Variants in PLCB4 observed in about 807,000 individuals in gnomAD.
The protein encoded by PLCB4 is 1-phosphatidylinositol 4,5-bisphosphate phosphodiesterase beta-4.
Under a neutral mutation model 178.8 loss-of-function variants are expected in PLCB4, and 77 were observed. The ratio of observed to expected loss-of-function variants is 0.43; its 90% CI spans 0.36 to 0.52. The LOEUF (loss-of-function observed/expected upper bound fraction) is 0.52, where lower values mean the gene tolerates loss of function less well. Among genes scored for constraint, PLCB4 ranks in the 20% least tolerant of loss-of-function variants. The pLI, the probability that PLCB4 is intolerant of heterozygous loss-of-function variation, is 0.00. For synonymous variants in PLCB4, 496 were observed against 490.8 expected, an observed-to-expected ratio of 1.01 and a Z score of -0.14; for missense variants, 1,024 against 1,453.4, an observed-to-expected ratio of 0.70 and a Z score of 4.80.
intron 2 of PLCB4, among the ~76,000 whole-genome samples, chr20:9,202,695 C>T (rs1348492443): frequency 6.6e-6 from 1 of 152,144 alleles, no homozygotes; most frequent in Non-Finnish European, 1.5e-5. Context: ...CTGACAAAGG[C>T]TGGGATCTTG....
chr20:9,431,632 ATTTGTGTGTGTGTGTG>A (rs759724334), intron 28 of PLCB4, among the ~76,000 whole-genome samples: 1 of 141,810 alleles, frequency 7.1e-6, no homozygotes, highest in Non-Finnish European at 1.5e-5. Flanking sequence ...CACGGGGCCA[ATTTGTGTGTGTGTGTG>A]TTTGTGTGTG....
intron 25 of PLCB4, among the ~76,000 whole-genome samples, chr20:9,413,608 A>C (rs897303309): frequency 6.6e-6 from 1 of 151,224 alleles, no homozygotes; most frequent in Non-Finnish European, 1.5e-5. Flanking sequence ...ACAGTGAGCC[A>C]AGATCGTGCC....
intron 3 of PLCB4, among the ~76,000 whole-genome samples, chr20:9,306,171 C>A (rs1426954802): frequency 1.3e-5 from 2 of 152,162 alleles, no homozygotes; most frequent in Non-Finnish European, 2.9e-5. Flanking sequence ...GTGATGCAAT[C>A]TTTGTTCACT....
At chr20:9,323,248 C>T (rs2029862780) in intron 4 of PLCB4, among the ~76,000 whole-genome samples, 1 of 152,182 alleles carries the variant, frequency 6.6e-6, no homozygotes, top group Non-Finnish European at 1.5e-5. Context: ...CACTTCCTCA[C>T]TTCATTCTGT....
intron 28 of PLCB4, among the ~76,000 whole-genome samples, chr20:9,426,273 G>A (rs1046954247): frequency 6.6e-6 from 1 of 152,178 alleles, no homozygotes; most frequent in African/African-American, 2.4e-5. Context: ...GCTAAAATAT[G>A]TATCAGAGAG....
chr20:9,192,018 G>A (rs185043077), intron 2 of PLCB4, among the ~76,000 whole-genome samples: 2 of 151,974 alleles, frequency 1.3e-5, no homozygotes, highest in East Asian at 1.9e-4. Flanking sequence ...AGTGATTAAC[G>A]TGAATGGATT....
intron 2 of PLCB4, among the ~76,000 whole-genome samples, chr20:9,116,699 A>T (rs1040066994): frequency 6.6e-6 from 1 of 152,150 alleles, no homozygotes; most frequent in Non-Finnish European, 1.5e-5. Flanking sequence ...AATAAATTTT[A>T]AAAAACAGCT....
At chr20:9,298,875 C>T (rs2094671286) in intron 3 of PLCB4, among the ~76,000 whole-genome samples, 1 of 152,022 alleles carries the variant, frequency 6.6e-6, no homozygotes, top group South Asian at 2.1e-4. Flanking sequence ...TCTTTTAATA[C>T]ACTCCAGGAA....
intron 3 of PLCB4, among the ~76,000 whole-genome samples, chr20:9,269,956 G>T (rs6039430): frequency 0.063 from 9,522 of 152,194 alleles, 1,020 homozygotes; most frequent in African/African-American, 0.22. Flanking sequence ...AAACTCAGAT[G>T]CATAGGAGTC....
At chr20:9,152,778 C>T (rs1386450366) in intron 2 of PLCB4, among the ~76,000 whole-genome samples, 2 of 152,112 alleles carry the variant, frequency 1.3e-5, no homozygotes, top group Non-Finnish European at 2.9e-5. Flanking sequence ...AAATGGTAGA[C>T]CTACTGACAG....
intron 22 of PLCB4, among the ~76,000 whole-genome samples, chr20:9,408,304 T>G (rs772528688): frequency 7.2e-5 from 11 of 152,346 alleles, no homozygotes; most frequent in African/African-American, 1.4e-4. Context: ...GCATGTAGCT[T>G]CTTCTGTTCC....
At chr20:9,158,232 A>G (rs759399940) in intron 2 of PLCB4, among the ~76,000 whole-genome samples, 105 of 152,090 alleles carry the variant, frequency 6.9e-4, no homozygotes, top group Non-Finnish European at 1.3e-3. Context: ...GCTTTTTGCC[A>G]TAGTTGTATT....
chr20:9,390,686 A>T, intron 17 of PLCB4, 71 bp downstream of exon 17: 1 of 752,198 alleles, frequency 1.3e-6, no homozygotes, highest in African/African-American at 1.7e-5. Flanking sequence ...AGGGTCAAGT[A>T]GTACTAGAGG....
chr20:9,249,477 T>C (rs1177813621), intron 3 of PLCB4, among the ~76,000 whole-genome samples: 1 of 152,054 alleles, frequency 6.6e-6, no homozygotes, highest in Non-Finnish European at 1.5e-5. Flanking sequence ...CCAACTAATT[T>C]TTATTTTTTT....
In PLCB4 at chr20:9,205,711, C is replaced by A. The variant is rs143160039; in HGVS notation, c.-78-11679C>A. On this transcript the variant is annotated intron_variant, in intron 2 of 39. Transcript: ENST00000378473. ...AATCACCTTTGTAAATTCATTATGA[C>A]ACGACCACAGTCAGAAATGGAATTC... Among the ~76,000 whole-genome samples the A allele has an allele frequency of 1.3e-4, 20 of 152,270 alleles. No homozygotes were observed. The East Asian group carries it at 3.9e-3, about 29-fold the overall frequency.
intron 3 of PLCB4, among the ~76,000 whole-genome samples, chr20:9,223,067 G>T (rs1251256617): frequency 1.3e-5 from 2 of 152,146 alleles, no homozygotes; most frequent in Non-Finnish European, 2.9e-5. Flanking sequence ...AGAAGATAGT[G>T]GGCCTTGAAT....
chr20:9,408,227 A>G (rs1489986333), intron 22 of PLCB4, among the ~76,000 whole-genome samples, 169 bp downstream of exon 22: 1 of 152,174 alleles, frequency 6.6e-6, no homozygotes, highest in South Asian at 2.1e-4. Context: ...ATGTGGTGAC[A>G]TTACATTGTC....
At chr20:9,246,201 A>G (rs1484680997) in intron 3 of PLCB4, among the ~76,000 whole-genome samples, 1 of 152,156 alleles carries the variant, frequency 6.6e-6, no homozygotes, top group Non-Finnish European at 1.5e-5. Context: ...TGAACATTTT[A>G]TTGTTATTGA....
intron 2 of PLCB4, among the ~76,000 whole-genome samples, chr20:9,108,882 AGAGG>A (rs1402992140): frequency 1.4e-5 from 2 of 140,506 alleles, no homozygotes; most frequent in East Asian, 4.3e-4. Flanking sequence ...GATGAGAGAG[AGAGG>A]AAGAGAGAAA....
Sources: gnomAD v4.1 joint callset for allele counts (sites outside exome capture counted in the v4.1 genomes callset) on GRCh38, gnomAD v4.1.1 for gene constraint, MANE v1.5 for transcripts, NCBI Gene and HGNC (gene_info 2026-07-23, HGNC 2026-07-21) for gene names.